PRKG1: variants seen among roughly 807,000 people sequenced by gnomAD.
PRKG1 encodes cGMP-dependent protein kinase 1.
PRKG1 carries 35 observed loss-of-function variants against 88.1 expected under a neutral mutation model. The observed-to-expected ratio is 0.40, with a 90% CI of 0.30 to 0.53. PRKG1 has a LOEUF of 0.53. PRKG1 is among the 20% of genes least tolerant of loss of function. PRKG1 has a pLI of 0.59. For synonymous variants in PRKG1, 303 were observed against 292.5 expected, an observed-to-expected ratio of 1.04 and a Z score of -0.37; for missense variants, 540 against 839.8, an observed-to-expected ratio of 0.64 and a Z score of 4.41.
At chr10:51,627,929 T>TTCCTTCCCTTCCTTTCTTCCTTCCTTC (rs1426640394) in intron 3 of PRKG1, among the ~76,000 whole-genome samples, 1 of 41,560 alleles carries the variant, frequency 2.4e-5, no homozygotes, top group Non-Finnish European at 5.7e-5. Context: ...TCCCTTCCTT[T>TTCCTTCCCTTCCTTTCTTCCTTCCTTC]CTTCCTTCCT....
At chr10:51,587,204 G>A (rs1306718171) in intron 3 of PRKG1, among the ~76,000 whole-genome samples, 1 of 152,078 alleles carries the variant, frequency 6.6e-6, no homozygotes, top group African/African-American at 2.4e-5. Context: ...AATACTCATA[G>A]AGAGACCATC....
intron 2 of PRKG1, among the ~76,000 whole-genome samples, chr10:51,216,967 A>T (rs1838388048): frequency 6.6e-6 from 1 of 152,162 alleles, no homozygotes; most frequent in African/African-American, 2.4e-5. Context: ...ATCTTATAAG[A>T]CAAAACATAA....
intron 2 of PRKG1, among the ~76,000 whole-genome samples, chr10:51,328,338 C>T (rs1402859565): frequency 2.0e-5 from 3 of 152,068 alleles, no homozygotes; most frequent in Admixed American, 6.5e-5. Flanking sequence ...AATAGTATTC[C>T]ATTGTACATG....
At chr10:51,641,183 G>A (rs991500557) in intron 3 of PRKG1, among the ~76,000 whole-genome samples, 2 of 152,104 alleles carry the variant, frequency 1.3e-5, no homozygotes, top group African/African-American at 4.8e-5. Flanking sequence ...AAGTGACTGG[G>A]GAGAGAAAAA....
At chr10:51,676,159 T>C (rs1840705617) in intron 3 of PRKG1, among the ~76,000 whole-genome samples, 3 of 151,322 alleles carry the variant, frequency 2.0e-5, no homozygotes, top group African/African-American at 4.8e-5. Context: ...AGTAGAGCAA[T>C]AGAGTAGCAA....
At chr10:51,219,467 C>G (rs1198274325) in intron 2 of PRKG1, among the ~76,000 whole-genome samples, 1 of 151,724 alleles carries the variant, frequency 6.6e-6, no homozygotes, top group Non-Finnish European at 1.5e-5. Context: ...CCCAGCACTT[C>G]GGGAGGCTGT....
At chr10:52,080,450 C>CA (rs1022178921) in intron 7 of PRKG1, among the ~76,000 whole-genome samples, 10 of 150,682 alleles carry the variant, frequency 6.6e-5, no homozygotes, top group East Asian at 1.9e-4. Context: ...TTTTTCAATG[C>CA]AAAAAAAAAC....
rs78251548 is a variant in PRKG1, at chr10:51,231,702, T to A, written c.478+78372T>A. The stretch of plus-strand genomic sequence containing the variant: ...ACCATTCTGGAATTATTTGGCAACA[T>A]CTGAAACATTTTTTTTTTTTTTTTA... On this transcript the variant is annotated intron_variant, in intron 2 of 17. Transcript: ENST00000373980. Among the ~76,000 whole-genome samples the A allele has an allele frequency of 6.5e-4, 99 of 151,716 alleles. 2 individuals are homozygous for A. The East Asian group carries it at 0.018, about 28-fold the overall frequency.
At chr10:51,756,356 G>T (rs1342813756) in intron 3 of PRKG1, among the ~76,000 whole-genome samples, 1 of 151,950 alleles carries the variant, frequency 6.6e-6, no homozygotes, top group Non-Finnish European at 1.5e-5. Context: ...GTGTGGTAAT[G>T]TATGCCTGTT....
chr10:51,105,297 C>T (rs1405555310), intron 1 of PRKG1, among the ~76,000 whole-genome samples: 1 of 152,180 alleles, frequency 6.6e-6, no homozygotes, highest in Admixed American at 6.5e-5. Context: ...TAATGTGACA[C>T]CATTTATGTA....
intron 2 of PRKG1, among the ~76,000 whole-genome samples, chr10:51,225,727 A>C (rs1838674484): frequency 6.6e-6 from 1 of 152,068 alleles, no homozygotes; most frequent in Non-Finnish European, 1.5e-5. Context: ...TGTGGCTATA[A>C]ACTGAGACTT....
intron 3 of PRKG1, among the ~76,000 whole-genome samples, chr10:51,611,768 A>G (rs1448532612): frequency 1.3e-5 from 2 of 151,774 alleles, no homozygotes; most frequent in Admixed American, 1.3e-4. Flanking sequence ...TTATAATTTC[A>G]AGTCTTATGT....
intron 2 of PRKG1, among the ~76,000 whole-genome samples, chr10:51,460,823 T>C (rs1466125134): frequency 2.0e-5 from 3 of 152,164 alleles, no homozygotes; most frequent in Admixed American, 6.6e-5. Context: ...TATAAGTTTC[T>C]CATTCCAGAC....
intron 2 of PRKG1, among the ~76,000 whole-genome samples, chr10:51,461,218 A>G (rs1347308143): frequency 6.6e-6 from 1 of 152,164 alleles, no homozygotes; most frequent in Non-Finnish European, 1.5e-5. Flanking sequence ...ATCTTCACTC[A>G]TGTAGCTTCA....
chr10:51,309,659 A>T (rs73333791), intron 2 of PRKG1, among the ~76,000 whole-genome samples: 20,923 of 152,140 alleles, frequency 0.14, 2,652 homozygotes, highest in African/African-American at 0.34. Flanking sequence ...TATAAGTTAG[A>T]ACAACCTCTA....
intron 2 of PRKG1, among the ~76,000 whole-genome samples, chr10:51,309,412 C>A (rs913243843): frequency 1.3e-5 from 2 of 152,052 alleles, no homozygotes; most frequent in African/African-American, 2.4e-5. Context: ...ACAAAAATAA[C>A]CCCATTAAAA....
chr10:51,196,039 G>A (rs1359165583), intron 2 of PRKG1, among the ~76,000 whole-genome samples: 2 of 152,142 alleles, frequency 1.3e-5, no homozygotes, highest in Non-Finnish European at 2.9e-5. Flanking sequence ...TATACTTGAT[G>A]ATTGAAGGGA....
At chr10:52,202,599 A>G (rs1839706047) in intron 9 of PRKG1, among the ~76,000 whole-genome samples, 1 of 152,030 alleles carries the variant, frequency 6.6e-6, no homozygotes, top group South Asian at 2.1e-4. Context: ...TAGTTTCCAC[A>G]GGAATGGTAC....
chr10:51,562,137 T>C (rs1435814295), intron 3 of PRKG1, among the ~76,000 whole-genome samples: 1 of 151,368 alleles, frequency 6.6e-6, no homozygotes, highest in Non-Finnish European at 1.5e-5. Flanking sequence ...GGCAGGAGAA[T>C]CGCTTGAGCC....
Sources: gnomAD v4.1 joint callset for allele counts (sites outside exome capture counted in the v4.1 genomes callset) on GRCh38, gnomAD v4.1.1 for gene constraint, MANE v1.5 for transcripts, NCBI Gene and HGNC (gene_info 2026-07-23, HGNC 2026-07-21) for gene names.